The following ZNF385B variants were observed in gnomAD, a reference collection of about 807,000 sequenced individuals.
The protein encoded by ZNF385B is zinc finger protein 533.
Under a neutral mutation model 39.2 loss-of-function variants are expected in ZNF385B, and 23 were observed. That is an observed-to-expected ratio of 0.59 (90% CI 0.42 to 0.83). ZNF385B has a LOEUF of 0.83. Among genes scored for constraint, ZNF385B ranks in the 40% least tolerant of loss-of-function variants. The pLI, the probability that ZNF385B is intolerant of heterozygous loss-of-function variation, is 0.00. For missense variants in ZNF385B, 552 were observed against 598.9 expected (o/e 0.92, Z 0.82); for synonymous variants, 205 against 222.6 (o/e 0.92, Z 0.70).
chr2:179,533,613 AG>A (rs748693240), intron 4 of ZNF385B, among the ~76,000 whole-genome samples: 20 of 151,938 alleles, frequency 1.3e-4, no homozygotes, highest in Non-Finnish European at 2.2e-4. Flanking sequence ...GGTGTGTGGG[AG>A]GGGGAGGAGT....
At chr2:179,576,471 C>T (rs1685830974) in intron 3 of ZNF385B, among the ~76,000 whole-genome samples, 1 of 152,162 alleles carries the variant, frequency 6.6e-6, no homozygotes, top group Admixed American at 6.6e-5. Flanking sequence ...ACATGGCCTA[C>T]ATGGTCATAA....
intron 9 of ZNF385B, among the ~76,000 whole-genome samples, chr2:179,443,700 G>C (rs779808839): frequency 1.3e-5 from 2 of 152,178 alleles, no homozygotes; most frequent in Admixed American, 6.5e-5. Context: ...ACAGGGAAAG[G>C]CCTCTGAATA....
rs958283287 is a variant in ZNF385B, at chr2:179,718,426, T to C, written c.298+51077A>G. On this transcript the variant is annotated intron_variant, in intron 3 of 9. Transcript: ENST00000410066. ...AATCATTTATTATCATAAAGATATA[T>C]ATATTTCTTCCAGCATATTCCTTAC... Among the ~76,000 whole-genome samples, 5 of 148,084 alleles carry C rather than the reference T, an allele frequency of 3.4e-5. No homozygotes were observed. The Admixed American group carries it at 3.4e-4, about 10-fold the overall frequency.
chr2:179,546,598 A>T (rs2060248332), intron 3 of ZNF385B, among the ~76,000 whole-genome samples: 1 of 152,062 alleles, frequency 6.6e-6, no homozygotes, highest in Non-Finnish European at 1.5e-5. Flanking sequence ...TATATATGTA[A>T]CTCATTTTCT....
chr2:179,716,828 A>C (rs1262224118), intron 3 of ZNF385B, among the ~76,000 whole-genome samples: 3 of 152,172 alleles, frequency 2.0e-5, no homozygotes, highest in Non-Finnish European at 4.4e-5. Flanking sequence ...CAGTAAGGAA[A>C]CCCACACTAG....
intron 3 of ZNF385B, among the ~76,000 whole-genome samples, chr2:179,560,987 G>A (rs2061297400): frequency 6.6e-6 from 1 of 152,160 alleles, no homozygotes; most frequent in African/African-American, 2.4e-5. Context: ...TACATGTGAA[G>A]GACAGGGACA....
intron 1 of ZNF385B, among the ~76,000 whole-genome samples, chr2:179,818,022 CTG>C (rs562606972): frequency 5.9e-5 from 9 of 151,804 alleles, no homozygotes; most frequent in Admixed American, 1.3e-4. Flanking sequence ...AGGGAGAAGA[CTG>C]TGTGTGGCAG....
chr2:179,634,855 C>A (rs1048317435), intron 3 of ZNF385B, among the ~76,000 whole-genome samples: 1 of 151,770 alleles, frequency 6.6e-6, no homozygotes, highest in Admixed American at 6.6e-5. Flanking sequence ...CATGGCCGGT[C>A]GCCATGGCTC....
At chr2:179,836,051 C>T (rs755900035) in intron 1 of ZNF385B, among the ~76,000 whole-genome samples, 7 of 152,132 alleles carry the variant, frequency 4.6e-5, no homozygotes, top group Admixed American at 3.3e-4. Flanking sequence ...AAATAGGCAA[C>T]AACATGGATG....
intron 1 of ZNF385B, among the ~76,000 whole-genome samples, chr2:179,795,597 C>A (rs960629398): frequency 6.6e-6 from 1 of 151,660 alleles, no homozygotes; most frequent in Non-Finnish European, 1.5e-5. Context: ...ATCTAAAGAT[C>A]TAGAAAGAAA....
At chr2:179,697,862 T>TA (rs1248218562) in intron 3 of ZNF385B, among the ~76,000 whole-genome samples, 1 of 152,046 alleles carries the variant, frequency 6.6e-6, no homozygotes, top group Non-Finnish European at 1.5e-5. Context: ...TATGCAGCCA[T>TA]AAAAAAGGAT....
At chr2:179,852,835 C>G (rs753107524) in intron 1 of ZNF385B, among the ~76,000 whole-genome samples, 2 of 152,178 alleles carry the variant, frequency 1.3e-5, no homozygotes, top group Non-Finnish European at 2.9e-5. Context: ...TATCTTTAGC[C>G]AGTTCCCAGG....
chr2:179,738,395 C>G (rs2106444564), intron 3 of ZNF385B, among the ~76,000 whole-genome samples: 1 of 152,308 alleles, frequency 6.6e-6, no homozygotes, highest in East Asian at 1.9e-4. Context: ...CAGGCACGCT[C>G]CTGCCCAGCT....
rs887739681 is a variant in ZNF385B at position 179,573,777 on chromosome 2, C to T, written c.299-28808G>A. 3.3e-5 allele frequency among the ~76,000 whole-genome samples: 5 copies of T among 152,192 alleles called. No homozygotes were observed. In the South Asian group the frequency reaches 8.3e-4, roughly 25 times the overall value. On this transcript the variant is annotated intron_variant, in intron 3 of 9. Transcript: ENST00000410066. The stretch of plus-strand genomic sequence containing the variant: ...TTTAAGTAAGCTCAGAGGAAAAAGA[C>T]AAGTTGTGTGTCAGCAGTGCCAAAG...
At chr2:179,496,766 A>G (rs1273639277) in intron 5 of ZNF385B, among the ~76,000 whole-genome samples, 1 of 152,190 alleles carries the variant, frequency 6.6e-6, no homozygotes, top group Non-Finnish European at 1.5e-5. Context: ...CATGATGGAG[A>G]GGCCAGGAGT....
intron 5 of ZNF385B, among the ~76,000 whole-genome samples, chr2:179,506,087 C>T (rs2057231745): frequency 6.6e-6 from 1 of 152,094 alleles, no homozygotes; most frequent in Admixed American, 6.5e-5. Flanking sequence ...TTCACAGTGA[C>T]TCCTCTACAT....
chr2:179,772,882 C>T (rs754236409), intron 1 of ZNF385B, among the ~76,000 whole-genome samples: 1 of 152,138 alleles, frequency 6.6e-6, no homozygotes, highest in Non-Finnish European at 1.5e-5. Flanking sequence ...GACAACTGAA[C>T]CAAAAACTCT....
intron 3 of ZNF385B, among the ~76,000 whole-genome samples, chr2:179,679,303 C>T (rs1697283962): frequency 6.6e-6 from 1 of 152,194 alleles, no homozygotes; most frequent in Non-Finnish European, 1.5e-5. Context: ...TAACTACACT[C>T]TATGATGTTC....
chr2:179,515,680 T>G (rs1032857693), intron 5 of ZNF385B, among the ~76,000 whole-genome samples: 1 of 152,226 alleles, frequency 6.6e-6, no homozygotes, highest in Non-Finnish European at 1.5e-5. Context: ...TAGTTTAATA[T>G]ACTTTAGTAG....
Sources: gnomAD v4.1 joint callset for allele counts (sites outside exome capture counted in the v4.1 genomes callset) on GRCh38, gnomAD v4.1.1 for gene constraint, MANE v1.5 for transcripts, NCBI Gene and HGNC (gene_info 2026-07-23, HGNC 2026-07-21) for gene names.